GOLIM4: variants seen among roughly 807,000 people sequenced by gnomAD.
The protein encoded by GOLIM4 is 130 kDa golgi-localized phosphoprotein.
A neutral mutation model predicts 107.4 loss-of-function variants in GOLIM4; 71 were observed. That is an observed-to-expected ratio of 0.66 (90% CI 0.55 to 0.81). The LOEUF is 0.81. Ranked by LOEUF, GOLIM4 falls within the 30% of genes least tolerant of loss-of-function variation. The pLI, the probability that GOLIM4 is intolerant of heterozygous loss-of-function variation, is 0.00. For synonymous variants in GOLIM4, 327 were observed against 294.8 expected, an observed-to-expected ratio of 1.11 and a Z score of -1.12; for missense variants, 830 against 826.1, an observed-to-expected ratio of 1.00 and a Z score of -0.06.
intron 1 of GOLIM4, among the ~76,000 whole-genome samples, chr3:168,055,409 A>C (rs1719889843): frequency 6.6e-6 from 1 of 152,184 alleles, no homozygotes; most frequent in South Asian, 2.1e-4. Flanking sequence ...GACTGACGGC[A>C]TTTTGCTTCT....
intron 1 of GOLIM4, among the ~76,000 whole-genome samples, chr3:168,089,983 G>A (rs534697917): frequency 9.7e-4 from 147 of 152,230 alleles, no homozygotes; most frequent in African/African-American, 3.2e-3. Context: ...GGCCAGGCTG[G>A]TCTCAAACTC....
At chr3:168,032,960 G>T in intron 8 of GOLIM4, 108 bp from the exon 9 acceptor site, 1 of 814,842 alleles carries the variant, frequency 1.2e-6, no homozygotes, top group Non-Finnish European at 2.0e-6. Context: ...AGAAGAAGGT[G>T]TCTAGAAATA....
chr3:168,044,046 G>A (rs1034515396), intron 4 of GOLIM4, among the ~76,000 whole-genome samples: 12 of 152,110 alleles, frequency 7.9e-5, no homozygotes, highest in Non-Finnish European at 1.2e-4. Context: ...CCTTATTTCC[G>A]ATTATAATCC....
chr3:168,032,645 C>T lies in GOLIM4; in HGVS notation c.1051G>A (p.Val351Ile). Residue 351 changes from valine (V) to isoleucine (I), a missense_variant, in exon 9 of 16, where the codon GTC (valine) becomes ATC (isoleucine). Transcript: ENST00000470487. ...TCCTCAAGATGTTCTGCTTGCCCGA[C>T]CTGCTCCATTTCTTCCTCCTCCAGG... ...KALEEEEMEQ[V>I]GQAEHLEEEH... 6.2e-7 allele frequency: 1 copy of T among 1,614,056 alleles called. No homozygotes were observed. Among genetic ancestry groups the T allele is most frequent in the Non-Finnish European group, 8.5e-7 (1 of 1,180,016 alleles).
At chr3:168,093,932 T>A (rs1451614911) in intron 1 of GOLIM4, among the ~76,000 whole-genome samples, 1 of 152,230 alleles carries the variant, frequency 6.6e-6, no homozygotes, top group Non-Finnish European at 1.5e-5. Flanking sequence ...CTGTTTCATA[T>A]CTGCACACAC....
chr3:168,051,830 G>A (rs750375547), intron 1 of GOLIM4, among the ~76,000 whole-genome samples: 6 of 152,186 alleles, frequency 3.9e-5, no homozygotes, highest in African/African-American at 9.6e-5. Context: ...CAGCGGTGAC[G>A]GATGGAGACA....
intron 1 of GOLIM4, among the ~76,000 whole-genome samples, chr3:168,074,094 C>G (rs541549808): frequency 6.6e-6 from 1 of 152,236 alleles, no homozygotes; most frequent in South Asian, 2.1e-4. Flanking sequence ...TGTAGGCAAC[C>G]CGAGGAGGGG....
At position 168,027,770 on chromosome 3, in the gene GOLIM4, A is replaced by G. The variant is rs767261323; in HGVS notation, c.1581T>C (p.Arg527=). 6.2e-7 allele frequency: 1 copy of G among 1,613,450 alleles called. No homozygotes were observed. Among genetic ancestry groups the G allele is most frequent in the Non-Finnish European group, 8.5e-7 (1 of 1,179,500 alleles). Residue 527 remains arginine, a synonymous_variant, in exon 12 of 16, where the codon CGT becomes CGC. Transcript: ENST00000470487. ...EGDPGNRHEP[R]EQGPREADPE... Reference sequence around the variant, plus strand: ...GGTCGGCTTCTCGGGGTCCTTGTTCACGAGGCTCATGTCTATTACCTGGAT... The same window carrying G: ...GGTCGGCTTCTCGGGGTCCTTGTTCGCGAGGCTCATGTCTATTACCTGGAT...
Position 168,024,779 on chromosome 3 carries a change from G to C in GOLIM4, c.1791+149C>G, listed in dbSNP as rs1277618360. The C allele has an allele frequency of 1.5e-5, 13 of 847,350 alleles. 1 individual carries two copies. The South Asian group carries it at 1.9e-4, about 12-fold the overall frequency. 52.5% of individuals were successfully genotyped at this position (847,350 alleles called of 1,614,324 possible). A position where few individuals can be genotyped will look rare whatever the true frequency, so the allele number is the denominator to read the frequency against. On this transcript the variant is annotated intron_variant, in intron 13 of 15. Coordinates refer to ENST00000470487, the MANE Select transcript of GOLIM4 (RefSeq NM_014498.5). ...GATGTCCGTTACCCTCTCTCTCAGA[G>C]TACAGGCATATCATGTCATAAAGTG... is the stretch of plus-strand genomic sequence containing the variant.
At chr3:168,064,932 T>C (rs1308580951) in intron 1 of GOLIM4, among the ~76,000 whole-genome samples, 1 of 147,696 alleles carries the variant, frequency 6.8e-6, no homozygotes, top group Non-Finnish European at 1.5e-5. Flanking sequence ...ATAACTTAAA[T>C]AGGACTGAGA....
At chr3:168,010,714 C>T in intron 15 of GOLIM4, 29 bp downstream of exon 15, 1 of 1,490,704 alleles carries the variant, frequency 6.7e-7, no homozygotes, top group Non-Finnish European at 9.4e-7. Flanking sequence ...CACTCAAGTG[C>T]TCAATAGAAA....
chr3:168,041,488 A>C lies in GOLIM4; in HGVS notation c.518-14T>G, dbSNP rs1341362456. ...TGTATACAGTCTCTATTTTAGAAAA[A>C]GAAGGATCACACATAAAGCCTTGAA... On this transcript the variant is annotated splice_polypyrimidine_tract_variant and intron_variant, in intron 5 of 15. Transcript: ENST00000470487. 7.7e-6 allele frequency: 10 copies of C among 1,302,758 alleles called. No homozygotes were observed. The East Asian group carries it at 2.1e-4, about 27-fold the overall frequency. 80.7% of individuals were successfully genotyped at this position (1,302,758 alleles called of 1,614,324 possible).
At chr3:168,053,468 G>C (rs990175465) in intron 1 of GOLIM4, among the ~76,000 whole-genome samples, 2 of 152,186 alleles carry the variant, frequency 1.3e-5, no homozygotes, top group South Asian at 2.1e-4. Context: ...AAAACATTGA[G>C]ATTTGCAAGT....
chr3:168,061,950 A>C (rs565152875), intron 1 of GOLIM4, among the ~76,000 whole-genome samples: 9 of 152,304 alleles, frequency 5.9e-5, no homozygotes, highest in African/African-American at 2.2e-4. Context: ...CTGTTTACTT[A>C]TGATTCGTGT....
Position 168,095,257 on chromosome 3 carries a change from T to G in GOLIM4, c.29A>C (p.Gln10Pro), listed in dbSNP as rs972528151. MGNGMCSRKQKRIFQTLLLL... is the reference protein window; with the variant it reads MGNGMCSRKPKRIFQTLLLL... The stretch of plus-strand genomic sequence containing the variant: ...CAGCAGCGTCTGGAAAATCCGCTTC[T>G]GCTTTCGGGAGCACATCCCGTTTCC... Residue 10 changes from glutamine (Q) to proline (P), a missense_variant, in exon 1 of 16, where the codon CAG (glutamine) becomes CCG (proline). Coordinates refer to ENST00000470487, the MANE Select transcript of GOLIM4 (RefSeq NM_014498.5). The G allele has an allele frequency of 1.9e-6, 3 of 1,613,260 alleles. No homozygotes were observed. The African/African-American group carries it at 4.0e-5, about 22-fold the overall frequency.
rs73878613 is a variant in GOLIM4, at chr3:168,027,842, C to A, written c.1514-5G>T. ...GCTGGTTGTCTCTTTCATAGGCTAG[C>A]AAATCAAAGGAACTAAAATCAGCCC... On this transcript the variant is annotated splice_polypyrimidine_tract_variant and splice_region_variant and intron_variant, in intron 11 of 15. Coordinates refer to ENST00000470487, the MANE Select transcript of GOLIM4 (RefSeq NM_014498.5). 4.9e-3 allele frequency: 7,703 copies of A among 1,572,050 alleles called. 347 individuals are homozygous for A. In the African/African-American group the frequency reaches 0.091, roughly 19 times the overall value.
rs557442790 is a variant in GOLIM4, at chr3:168,029,679, C to T, written c.1433+101G>A. On this transcript the variant is annotated intron_variant, in intron 10 of 15. Transcript: ENST00000470487. ...CCTTGGCTATTTGAGCAATATGAGC[C>T]CCTTAACTTCATGAATCACAAATGC... 8 of 1,331,374 alleles carry T rather than the reference C, an allele frequency of 6.0e-6. No individual in the cohort carries two copies. In the South Asian group the frequency reaches 1.1e-4, roughly 18 times the overall value. The allele number at this position is 1,331,374 out of a possible 1,614,324, so 82.5% of individuals were successfully genotyped here.
chr3:168,067,984 G>A (rs902442662), intron 1 of GOLIM4, among the ~76,000 whole-genome samples: 2 of 151,618 alleles, frequency 1.3e-5, no homozygotes, highest in African/African-American at 4.8e-5. Flanking sequence ...TATAACCAGA[G>A]TATATTAATA....
chr3:168,029,245 C>T lies in GOLIM4; in HGVS notation c.1491G>A (p.Gln497=). ...CACCTCCTTCCTCTCCTTGGATTCC[C>T]TGGTCCTCTGCTCCCTGAACGATAT... is the stretch of plus-strand genomic sequence containing the variant. The part of the protein sequence containing the change: ...DNDIVQGAED[Q]GIQGEEGAYE... The change falls in exon 11 of 16, where the codon CAG becomes CAA. Residue 497 remains glutamine, a synonymous_variant. Transcript: ENST00000470487. 6.2e-7 allele frequency: 1 copy of T among 1,609,416 alleles called. No individual in the cohort carries two copies. Among genetic ancestry groups the T allele is most frequent in the Non-Finnish European group, 8.5e-7 (1 of 1,176,354 alleles).
Sources: allele counts gnomAD v4.1 joint callset (sites outside exome capture counted in the v4.1 genomes callset), GRCh38; gene constraint gnomAD v4.1.1; transcripts MANE v1.5; gene names NCBI Gene and HGNC (gene_info 2026-07-23, HGNC 2026-07-21).